Variants in ASXL1 observed in about 807,000 individuals in gnomAD.
ASXL1 encodes ASXL transcriptional regulator 1.
A neutral mutation model predicts 89.1 loss-of-function variants in ASXL1; 65 were observed. The observed-to-expected ratio is 0.73, with a 90% CI of 0.60 to 0.90. The LOEUF is 0.90. Among genes scored for constraint, ASXL1 ranks in the 40% least tolerant of loss-of-function variants. The pLI is 0.00. For missense variants in ASXL1, 1,786 were observed against 1,942.9 expected (o/e 0.92, Z 1.52); for synonymous variants, 739 against 746.9 (o/e 0.99, Z 0.17).
At chr20:32,401,350 A>G (rs2048867885) in intron 4 of ASXL1, among the ~76,000 whole-genome samples, 1 of 152,142 alleles carries the variant, frequency 6.6e-6, no homozygotes, top group South Asian at 2.1e-4. Context: ...CTCCACCACC[A>G]ATCAACCAAC....
Position 32,433,722 on chromosome 20 carries a change from T to C in ASXL1, c.1524T>C (p.Pro508=), listed in dbSNP as rs2123265933. ...ARASASPDRI[P]SLPQETVDQE... ...CCTCTGCATCTCCAGACAGAATTCC[T>C]AGCCTGCCTCAGGAAACTGTGGATC... Residue 508 remains proline, a synonymous_variant, in exon 12 of 13, where the codon CCT becomes CCC. Coordinates refer to ENST00000375687, the MANE Select transcript of ASXL1 (RefSeq NM_015338.6). 1 of 1,613,344 alleles carries C rather than the reference T, an allele frequency of 6.2e-7. No homozygotes were observed. Among genetic ancestry groups the C allele is most frequent in the Non-Finnish European group, 8.5e-7 (1 of 1,179,464 alleles).
chr20:32,429,262 A>G lies in ASXL1; in HGVS notation c.472-76A>G. The G allele has an allele frequency of 1.4e-6, 2 of 1,387,962 alleles. No homozygotes were observed. The highest frequency in any genetic ancestry group is 2.0e-6 in the Non-Finnish European group (2 of 988,426). The allele number at this position is 1,387,962 out of a possible 1,614,324, so 86.0% of individuals were successfully genotyped here. A position where few individuals can be genotyped will look rare whatever the true frequency, so the allele number is the denominator to read the frequency against. Reference sequence around the variant, plus strand: ...CTTCATTTTACAAGAGCGTGAGTAGAGATAGTGTCGCCAGGGAATGCTTTT... The same window carrying G: ...CTTCATTTTACAAGAGCGTGAGTAGGGATAGTGTCGCCAGGGAATGCTTTT... On this transcript the variant is annotated intron_variant, in intron 6 of 12. Coordinates refer to ENST00000375687, the MANE Select transcript of ASXL1 (RefSeq NM_015338.6). The surrounding 1 kb of genome is among the most constrained non-coding windows in gnomAD (Gnocchi z 4.9).
intron 1 of ASXL1, 22 bp downstream of exon 1, chr20:32,358,854 G>A: frequency 1.3e-6 from 2 of 1,498,982 alleles, no homozygotes; most frequent in African/African-American, 1.5e-5. Flanking sequence ...AGCCGAGGGG[G>A]GCTCCGTGGG....
intron 4 of ASXL1, among the ~76,000 whole-genome samples, chr20:32,423,396 A>AT (rs200922361): frequency 1.3e-5 from 1 of 78,152 alleles, no homozygotes; most frequent in African/African-American, 2.8e-5. Flanking sequence ...TGCCTAGCTA[A>AT]TTTTTTGTGT....
intron 4 of ASXL1, among the ~76,000 whole-genome samples, chr20:32,426,541 C>CTTTTTTTTGTTTTTTTT (rs1014372390): frequency 2.2e-5 from 2 of 92,564 alleles, no homozygotes; most frequent in African/African-American, 3.5e-5. Context: ...AAACTGTTTT[C>CTTTTTTTTGTTTTTTTT]TTTTTTTTCT....
chr20:32,406,726 G>A (rs185709176), intron 4 of ASXL1, among the ~76,000 whole-genome samples: 4 of 152,114 alleles, frequency 2.6e-5, no homozygotes, highest in Admixed American at 2.0e-4. Flanking sequence ...GTCACATCAG[G>A]GTGTTCTCCC....
chr20:32,420,201 C>T (rs1430282462), intron 4 of ASXL1, among the ~76,000 whole-genome samples: 1 of 152,100 alleles, frequency 6.6e-6, no homozygotes, highest in Non-Finnish European at 1.5e-5. Context: ...GAAAGGAATT[C>T]TAGTATACTG....
rs2123238126 is a variant in ASXL1, at chr20:32,431,622, C to T, written c.922C>T (p.Leu308=). 1 of 1,614,128 alleles carries T rather than the reference C, an allele frequency of 6.2e-7. No homozygotes were observed. The highest frequency in any genetic ancestry group is 8.5e-7 in the Non-Finnish European group (1 of 1,180,044). The change falls in exon 10 of 13, where the codon CTA becomes TTA. Residue 308 remains leucine (L), a synonymous_variant. Transcript: ENST00000375687. ...DGLLRLSSSA[L]NNEFFTHAAQ... ...CCTGTTGCGTCTCAGCAGCAGTGCACTAAATAACGAGTTTTTTACCCATGC... is the reference window on the plus strand; with the variant it reads ...CCTGTTGCGTCTCAGCAGCAGTGCATTAAATAACGAGTTTTTTACCCATGC...
chr20:32,435,474 C>G lies in ASXL1; in HGVS notation c.2762C>G (p.Ser921Cys). ...CCAGAATCCAGAGAACACATACCAT[C>G]TGTTGAGCCCCAGGTTGGAGAGGAG... ...PKPESREHIP[S>C]VEPQVGEEWE... Residue 921 changes from serine (S) to cysteine (C), a missense_variant, in exon 13 of 13, where the codon TCT (serine) becomes TGT (cysteine). By Grantham distance (112) the Ser-to-Cys change is moderately radical (BLOSUM62 -1). Transcript: ENST00000375687. 3.7e-6 allele frequency: 6 copies of G among 1,614,114 alleles called. No individual in the cohort carries two copies. Among genetic ancestry groups the G allele is most frequent in the Non-Finnish European group, 5.1e-6 (6 of 1,180,032 alleles).
intron 4 of ASXL1, among the ~76,000 whole-genome samples, chr20:32,374,582 A>G (rs1257048918): frequency 6.6e-6 from 1 of 152,204 alleles, no homozygotes; most frequent in East Asian, 1.9e-4. Context: ...GGTGTGAGCC[A>G]CGGTGCCCGG....
Position 32,435,665 on chromosome 20 carries a change from A to G in ASXL1, c.2953A>G (p.Ile985Val). 1 of 1,614,162 alleles carries G rather than the reference A, an allele frequency of 6.2e-7. No homozygotes were observed. Among genetic ancestry groups the G allele is most frequent in the Non-Finnish European group, 8.5e-7 (1 of 1,180,016 alleles). Residue 985 changes from isoleucine (I) to valine (V), a missense_variant, in exon 13 of 13, where the codon ATC (isoleucine) becomes GTC (valine). Transcript: ENST00000375687. Reference sequence around the variant, plus strand: ...ACAGGTGGACATTGAAAAGCTGAAAATCAACGGAGACTCTGAAGCACTGAG... The same window carrying G: ...ACAGGTGGACATTGAAAAGCTGAAAGTCAACGGAGACTCTGAAGCACTGAG... The part of the protein sequence containing the change: ...CQQVDIEKLK[I>V]NGDSEALSPH...
intron 4 of ASXL1, among the ~76,000 whole-genome samples, chr20:32,389,569 A>G (rs1600509025): frequency 6.6e-6 from 1 of 152,042 alleles, no homozygotes; most frequent in African/African-American, 2.4e-5. Context: ...AGTAAAATTT[A>G]CCACCGCCCC....
intron 4 of ASXL1, among the ~76,000 whole-genome samples, chr20:32,421,120 C>T (rs936463604): frequency 2.7e-5 from 4 of 150,894 alleles, no homozygotes; most frequent in African/African-American, 7.3e-5. Context: ...CTAATGCATG[C>T]GGGGCTTAAA....
chr20:32,362,849 C>T lies in ASXL1; in HGVS notation c.58-3535C>T, dbSNP rs117864185. Among the ~76,000 whole-genome samples the T allele has an allele frequency of 2.7e-3, 404 of 152,184 alleles. 2 individuals are homozygous for T. Among genetic ancestry groups the T allele is most frequent in the Non-Finnish European group, 5.2e-3 (357 of 68,018 alleles). ...TTATGTGGTTGAGTGGATATAAATC[C>T]TCCAACTTGTTATAAACAGTTTGTT... On this transcript the variant is annotated intron_variant, in intron 1 of 12. Transcript: ENST00000375687.
chr20:32,384,946 T>G (rs1286709234), intron 4 of ASXL1, among the ~76,000 whole-genome samples: 1 of 152,078 alleles, frequency 6.6e-6, no homozygotes, highest in Non-Finnish European at 1.5e-5. Context: ...TTGTACATAC[T>G]CTAGGCTTCC....
chr20:32,394,148 G>A (rs772510466), intron 4 of ASXL1, among the ~76,000 whole-genome samples: 5 of 151,862 alleles, frequency 3.3e-5, no homozygotes, highest in Non-Finnish European at 1.5e-5. Context: ...TATTACAGGC[G>A]CCCATCACCA....
At position 32,436,391 on chromosome 20, in the gene ASXL1, G is replaced by A. The variant is rs752436984; in HGVS notation, c.3679G>A (p.Glu1227Lys). The A allele has an allele frequency of 1.9e-6, 3 of 1,613,716 alleles. No homozygotes were observed. The highest frequency in any genetic ancestry group is 1.1e-5 in the South Asian group (1 of 91,080). The change falls in exon 13 of 13, where the codon GAA becomes AAA. Residue 1227 changes from glutamate (E) to lysine (K), a missense_variant. Physicochemically the swap from Glu to Lys is moderately conservative, Grantham distance 56. Transcript: ENST00000375687. ...TNPITSSRKLEEMDSKEQFSS... is the reference protein window; with the variant it reads ...TNPITSSRKLKEMDSKEQFSS... Reference sequence around the variant, plus strand: ...TCCCATTACATCCTCTAGGAAACTGGAAGAAATGGATTCCAAAGAGCAGTT... The same window carrying A: ...TCCCATTACATCCTCTAGGAAACTGAAAGAAATGGATTCCAAAGAGCAGTT...
intron 1 of ASXL1, among the ~76,000 whole-genome samples, chr20:32,362,147 G>A (rs751071926): frequency 2.6e-5 from 4 of 152,214 alleles, no homozygotes; most frequent in Non-Finnish European, 4.4e-5. Flanking sequence ...TTGTGAGAGC[G>A]TACACTGGAC....
intron 4 of ASXL1, among the ~76,000 whole-genome samples, chr20:32,426,536 G>GT (rs1353657083): frequency 5.1e-5 from 5 of 98,792 alleles, no homozygotes; most frequent in Non-Finnish European, 6.8e-5. Context: ...GTAGAAAACT[G>GT]TTTTCTTTTT....
Sources: allele counts gnomAD v4.1 joint callset (sites outside exome capture counted in the v4.1 genomes callset), GRCh38; gene constraint gnomAD v4.1.1; non-coding constraint Gnocchi (gnomAD v3.1); transcripts MANE v1.5; gene names NCBI Gene and HGNC (gene_info 2026-07-23, HGNC 2026-07-21).